ABLIM1: variants seen among roughly 807,000 people sequenced by gnomAD.
ABLIM1 encodes actin binding LIM protein 1.
In ABLIM1, 40 loss-of-function variants were observed where a neutral mutation model predicts 107.0. That is an observed-to-expected ratio of 0.37 (90% CI 0.29 to 0.49). The LOEUF (loss-of-function observed/expected upper bound fraction) is 0.49, where lower values mean the gene tolerates loss of function less well. Among genes scored for constraint, ABLIM1 ranks in the 20% least tolerant of loss-of-function variants. The pLI is 0.97. For missense variants in ABLIM1, 857 were observed against 1,008.5 expected, an observed-to-expected ratio of 0.85 and a Z score of 2.04; for synonymous variants, 357 against 357.3, an observed-to-expected ratio of 1.00 and a Z score of 0.01.
intron 2 of ABLIM1, among the ~76,000 whole-genome samples, chr10:114,582,712 C>T (rs894910072): frequency 6.6e-6 from 1 of 152,052 alleles, no homozygotes; most frequent in African/African-American, 2.4e-5. Flanking sequence ...AGTTACATAC[C>T]TACTACCAGC....
chr10:114,575,701 G>A (rs1218289538), intron 2 of ABLIM1, 102 bp from the exon 3 acceptor site: 2 of 1,194,570 alleles, frequency 1.7e-6, no homozygotes, highest in Non-Finnish European at 2.3e-6. Flanking sequence ...TGATCTCAAT[G>A]GTTTGGGGCT....
the ABLIM1 span, among the ~76,000 whole-genome samples, chr10:114,799,225 C>A: frequency 6.6e-6 from 1 of 152,208 alleles, no homozygotes; most frequent in East Asian, 1.9e-4. Flanking sequence ...TCCCAGCCTC[C>A]AAATCTTGGA....
intron 6 of ABLIM1, among the ~76,000 whole-genome samples, chr10:114,540,014 A>C (rs1458595833): frequency 6.6e-6 from 1 of 152,190 alleles, no homozygotes; most frequent in African/African-American, 2.4e-5. Flanking sequence ...ATATCTTCAG[A>C]ACTCTCCTAA....
chr10:114,737,080 TCAAA>T (rs2082195852), intron 1 of ABLIM1, among the ~76,000 whole-genome samples: 2 of 152,096 alleles, frequency 1.3e-5, no homozygotes, highest in African/African-American at 4.8e-5. Context: ...CCCCAGCTAC[TCAAA>T]AGGCTGAGGC....
chr10:114,682,960 A>G (rs1222068336), intron 1 of ABLIM1, among the ~76,000 whole-genome samples: 1 of 152,254 alleles, frequency 6.6e-6, no homozygotes, highest in African/African-American at 2.4e-5. Context: ...AAATTCATTT[A>G]AATAAAGACA....
intron 4 of ABLIM1, among the ~76,000 whole-genome samples, chr10:114,550,153 T>C (rs2067875840): frequency 6.6e-6 from 1 of 152,128 alleles, no homozygotes; most frequent in African/African-American, 2.4e-5. Context: ...GAGTGTGTAT[T>C]AGATGGTCAT....
intron 4 of ABLIM1, among the ~76,000 whole-genome samples, chr10:114,560,191 A>G (rs1220257081): frequency 6.6e-6 from 1 of 152,254 alleles, no homozygotes; most frequent in Non-Finnish European, 1.5e-5. Flanking sequence ...AAATATTCAT[A>G]TGTGAATGTT....
chr10:114,719,826 C>T lies in ABLIM1; in HGVS notation c.-213+48235G>A, dbSNP rs138215340. ...CCCTCTCTTTAATCAAATATGCCTG[C>T]CTTTTCCTCCATTCCTTCAGAATAA... On this transcript the variant is annotated intron_variant, in intron 1 of 15. Transcript: ENST00000651092. Among the ~76,000 whole-genome samples the T allele has an allele frequency of 2.0e-3, 302 of 152,256 alleles. 1 individual carries two copies. The highest frequency in any genetic ancestry group is 3.6e-3 in the Admixed American group (55 of 15,290).
rs558574361 is a variant in ABLIM1, at chr10:114,511,434, C to T, written c.895-19556G>A. Among the ~76,000 whole-genome samples the T allele has an allele frequency of 3.4e-4, 52 of 151,924 alleles. 1 individual carries two copies. Among genetic ancestry groups the T allele is most frequent in the Admixed American group, 2.6e-3 (40 of 15,268 alleles). On this transcript the variant is annotated intron_variant, in intron 6 of 22. Transcript: ENST00000533213. ...AGGCTGGAGTGCAGTGGTGCAGTGT[C>T]GGCTCACTGCAACCTCCACCTCCTA... is the stretch of plus-strand genomic sequence containing the variant.
upstream of ABLIM1, among the ~76,000 whole-genome samples, chr10:114,660,633 G>A (rs1326840439): frequency 6.6e-6 from 1 of 152,174 alleles, no homozygotes; most frequent in Non-Finnish European, 1.5e-5. Context: ...CGTAGTGTGG[G>A]AACCCCTGCC....
Position 114,742,543 on chromosome 10 carries a change from C to A in ABLIM1, c.-213+25518G>T, listed in dbSNP as rs7077702. 5.5e-4 allele frequency among the ~76,000 whole-genome samples: 84 copies of A among 152,288 alleles called. 2 individuals are homozygous for A. The highest frequency in any genetic ancestry group is 1.8e-3 in the African/African-American group (76 of 41,554). On this transcript the variant is annotated intron_variant, in intron 1 of 15. Transcript: ENST00000651092. ...ACAGGCAGAATACCCAGACCAGCAA[C>A]TTGAATAAGAAAACAAATCTCTTCC...
intron 1 of ABLIM1, among the ~76,000 whole-genome samples, chr10:114,633,365 T>C (rs968028958): frequency 1.3e-5 from 2 of 152,144 alleles, no homozygotes; most frequent in Non-Finnish European, 2.9e-5. Context: ...CAGGTCTTCA[T>C]TGCTGGTTTT....
intron 1 of ABLIM1, among the ~76,000 whole-genome samples, chr10:114,676,580 T>C (rs897271011): frequency 6.6e-6 from 1 of 152,110 alleles, no homozygotes; most frequent in Non-Finnish European, 1.5e-5. Flanking sequence ...GGAAATGGTA[T>C]TCCCAAGAAA....
rs1289159377 is a variant in ABLIM1 at position 114,472,525 on chromosome 10, C to A, written c.1275+452G>T. On this transcript the variant is annotated intron_variant, in intron 10 of 22. Transcript: ENST00000533213. ...TCCTGTGCTAGACTGTTGCCCCATG[C>A]GCTCTACTTTATTTTTTCTTTCACA... is the stretch of plus-strand genomic sequence containing the variant. Among the ~76,000 whole-genome samples the A allele has an allele frequency of 2.0e-5, 3 of 152,228 alleles. No homozygotes were observed. The East Asian group carries it at 5.8e-4, about 29-fold the overall frequency.
intron 4 of ABLIM1, among the ~76,000 whole-genome samples, chr10:114,549,398 T>TTAAA (rs1422929150): frequency 6.6e-6 from 1 of 152,066 alleles, no homozygotes; most frequent in Non-Finnish European, 1.5e-5. Flanking sequence ...AATAAAGTAA[T>TTAAA]TAAATAAATA....
At chr10:114,468,360 C>T (rs1044952247) in intron 10 of ABLIM1, 144 bp from the exon 11 acceptor site, 31 of 694,578 alleles carry the variant, frequency 4.5e-5, no homozygotes, top group Admixed American at 1.3e-4. Flanking sequence ...CTGCAATCTC[C>T]GCCTCCCAGG....
intron 1 of ABLIM1, among the ~76,000 whole-genome samples, chr10:114,640,854 T>C (rs917974790): frequency 1.3e-5 from 2 of 152,172 alleles, no homozygotes; most frequent in South Asian, 4.1e-4. Context: ...GCTTTATATT[T>C]GAGTACCACT....
chr10:114,513,478 G>A (rs529253452), intron 6 of ABLIM1, among the ~76,000 whole-genome samples: 5 of 152,090 alleles, frequency 3.3e-5, no homozygotes, highest in Admixed American at 6.5e-5. Flanking sequence ...AGCAACATCC[G>A]GCAGTAACAA....
intron 1 of ABLIM1, among the ~76,000 whole-genome samples, chr10:114,643,046 G>A (rs550358151): frequency 5.9e-5 from 9 of 152,328 alleles, no homozygotes; most frequent in Non-Finnish European, 1.2e-4. Flanking sequence ...GCACAACACC[G>A]TGAACCCTTC....
Sources: allele counts gnomAD v4.1 joint callset (sites outside exome capture counted in the v4.1 genomes callset), GRCh38; gene constraint gnomAD v4.1.1; transcripts MANE v1.5; gene names NCBI Gene and HGNC (gene_info 2026-07-23, HGNC 2026-07-21).